The following RAB3GAP1 variants were observed in gnomAD, a reference collection of about 807,000 sequenced individuals.
RAB3GAP1 encodes rab3 GTPase-activating protein catalytic subunit.
A neutral mutation model predicts 130.7 loss-of-function variants in RAB3GAP1; 86 were observed. That is an observed-to-expected ratio of 0.66 (90% CI 0.55 to 0.79). RAB3GAP1 has a LOEUF of 0.79. RAB3GAP1 is among the 30% of genes least tolerant of loss of function. The probability of loss-of-function intolerance (pLI) is 0.00; values close to 1 mark genes in which losing one functional copy is unlikely to be tolerated. For synonymous variants in RAB3GAP1, 367 were observed against 401.7 expected, an observed-to-expected ratio of 0.91 and a Z score of 1.03; for missense variants, 1,029 against 1,169.4, an observed-to-expected ratio of 0.88 and a Z score of 1.75.
chr2:135,111,951 T>C (rs1196912984), intron 5 of RAB3GAP1, among the ~76,000 whole-genome samples: 2 of 152,210 alleles, frequency 1.3e-5, no homozygotes, highest in Non-Finnish European at 2.9e-5. Context: ...AACTATTATA[T>C]TCATTAGTCT....
intron 5 of RAB3GAP1, among the ~76,000 whole-genome samples, chr2:135,098,156 G>A (rs1004514550): frequency 2.0e-5 from 3 of 152,080 alleles, no homozygotes; most frequent in African/African-American, 7.2e-5. Flanking sequence ...TGTATTAACA[G>A]TGTCCAAGTC....
At chr2:135,109,423 T>C (rs886073432) in intron 5 of RAB3GAP1, among the ~76,000 whole-genome samples, 4 of 152,126 alleles carry the variant, frequency 2.6e-5, no homozygotes, top group African/African-American at 9.7e-5. Flanking sequence ...TACAATTAAA[T>C]TAAAATATTA....
chr2:135,117,642 T>TCTG (rs1558784578), intron 7 of RAB3GAP1, among the ~76,000 whole-genome samples: 6 of 145,472 alleles, frequency 4.1e-5, no homozygotes, highest in African/African-American at 1.3e-4. Flanking sequence ...TTCTGCTTCT[T>TCTG]CTTCTGCTTC....
At chr2:135,099,011 T>A (rs1297800155) in intron 5 of RAB3GAP1, among the ~76,000 whole-genome samples, 2 of 152,176 alleles carry the variant, frequency 1.3e-5, no homozygotes, top group African/African-American at 2.4e-5. Context: ...TGTGCTTTTT[T>A]AAAAATATGT....
At chr2:135,107,884 A>AG (rs1690675196) in intron 5 of RAB3GAP1, among the ~76,000 whole-genome samples, 1 of 148,790 alleles carries the variant, frequency 6.7e-6, no homozygotes, top group Non-Finnish European at 1.5e-5. Flanking sequence ...CTGAGACAGG[A>AG]GAATCACTTG....
intron 5 of RAB3GAP1, among the ~76,000 whole-genome samples, chr2:135,099,051 AT>A (rs971840392): frequency 1.3e-5 from 2 of 148,296 alleles, no homozygotes; most frequent in African/African-American, 2.5e-5. Flanking sequence ...CAGTCTGTTC[AT>A]TTTTTTTTTC....
intron 3 of RAB3GAP1, among the ~76,000 whole-genome samples, chr2:135,080,622 T>C (rs1689767258): frequency 6.6e-6 from 1 of 152,234 alleles, no homozygotes; most frequent in African/African-American, 2.4e-5. Flanking sequence ...GGCTAATTCT[T>C]TTCCCTGAGG....
chr2:135,169,082 A>ACGGT lies in RAB3GAP1; in HGVS notation c.*302_*305dup, dbSNP rs1488599857. 1 of 456,936 alleles carries ACGGT rather than the reference A, an allele frequency of 2.2e-6. No homozygotes were observed. Among genetic ancestry groups the ACGGT allele is most frequent in the Admixed American group, 3.4e-5 (1 of 29,436 alleles). 28.3% of individuals were successfully genotyped at this position (456,936 alleles called of 1,614,324 possible). On this transcript the variant is annotated 3_prime_UTR_variant, in exon 24 of 24. Transcript: ENST00000264158. ...GACACTCCGTCCTCACACTGGCAGG[A>ACGGT]CGGTGTTCATCGCATTCTCTTCTGT...
chr2:135,088,384 A>C (rs899612790), intron 3 of RAB3GAP1, among the ~76,000 whole-genome samples: 1 of 152,046 alleles, frequency 6.6e-6, no homozygotes, highest in Non-Finnish European at 1.5e-5. Context: ...AACCCACCCC[A>C]CACAAAAAAA....
Position 135,164,620 on chromosome 2 carries a change from C to T in RAB3GAP1, c.2633C>T (p.Pro878Leu). ...TTTGTGAGTTGCCTGCTGGAGCAGC[C>T]TGAAGTGTTAGTCACCGGTGCAGGA... ...ERFVSCLLEQPEVLVTGAGRG... is the reference protein window; with the variant it reads ...ERFVSCLLEQLEVLVTGAGRG... The change falls in exon 23 of 24, where the codon CCT becomes CTT. Residue 878 changes from proline (P) to leucine (L), a missense_variant. Coordinates refer to ENST00000264158, the MANE Select transcript of RAB3GAP1 (RefSeq NM_012233.3). 6.2e-7 allele frequency: 1 copy of T among 1,613,306 alleles called. No individual in the cohort carries two copies. The highest frequency in any genetic ancestry group is 2.2e-5 in the East Asian group (1 of 44,842).
chr2:135,108,788 T>A (rs1376540097), intron 5 of RAB3GAP1, among the ~76,000 whole-genome samples: 1 of 152,208 alleles, frequency 6.6e-6, no homozygotes, highest in Non-Finnish European at 1.5e-5. Context: ...CTAGATTTTA[T>A]TCTGTGTTCT....
At chr2:135,079,237 TG>T (rs1224985707) in intron 3 of RAB3GAP1, among the ~76,000 whole-genome samples, 2 of 152,142 alleles carry the variant, frequency 1.3e-5, no homozygotes, top group Non-Finnish European at 2.9e-5. Flanking sequence ...CCTCCCATCT[TG>T]GCCTCCCAAA....
chr2:135,115,091 T>G, intron 6 of RAB3GAP1, 125 bp from the exon 7 acceptor site: 1 of 856,772 alleles, frequency 1.2e-6, no homozygotes, highest in Non-Finnish European at 1.8e-6. Flanking sequence ...AAACCTGTGT[T>G]TTTGTTGTGT....
chr2:135,155,059 G>A (rs557252618), intron 19 of RAB3GAP1, among the ~76,000 whole-genome samples: 1 of 152,200 alleles, frequency 6.6e-6, no homozygotes, highest in Admixed American at 6.5e-5. Flanking sequence ...TCACAAAGCA[G>A]AAGAAAATTG....
chr2:135,133,977 G>T lies in RAB3GAP1; in HGVS notation c.1443G>T (p.Trp481Cys). 1.9e-6 allele frequency: 3 copies of T among 1,613,896 alleles called. No individual in the cohort carries two copies. Among genetic ancestry groups the T allele is most frequent in the African/African-American group, 1.3e-5 (1 of 75,020 alleles). ...HGGLKGVAHL[W>C]QEFVLEMRFR... ...GGTTGAAAGGAGTGGCACACCTCTGGCAGGAATTTGTTCTTGAAATGCGTT... is the reference window on the plus strand; with the variant it reads ...GGTTGAAAGGAGTGGCACACCTCTGTCAGGAATTTGTTCTTGAAATGCGTT... Residue 481 changes from tryptophan (W) to cysteine (C), a missense_variant, in exon 15 of 24, where the codon TGG becomes TGT. This residue lies in a region of RAB3GAP1 where 373 missense variants were observed against 493.6 expected (regional missense o/e 0.76). Transcript: ENST00000264158.
In RAB3GAP1 at chr2:135,131,590, A is replaced by G. The variant is rs1328743802; in HGVS notation, c.1236+869A>G. On this transcript the variant is annotated intron_variant, in intron 13 of 23. Transcript: ENST00000264158. ...AGTTGAGAGAAAGCTTTTAGTGAGAATGAGAGGGAGATGAATAGAGAGCTA... is the reference window on the plus strand; with the variant it reads ...AGTTGAGAGAAAGCTTTTAGTGAGAGTGAGAGGGAGATGAATAGAGAGCTA... 3.3e-5 allele frequency among the ~76,000 whole-genome samples: 5 copies of G among 152,156 alleles called. No homozygotes were observed. In the South Asian group the frequency reaches 1.0e-3, roughly 32 times the overall value.
intron 3 of RAB3GAP1, among the ~76,000 whole-genome samples, chr2:135,070,952 G>A (rs371127911): frequency 1.3e-5 from 2 of 152,084 alleles, no homozygotes; most frequent in Middle Eastern, 3.2e-3. Context: ...AAAAGCTAAC[G>A]TTTAAAAATA....
chr2:135,167,711 G>C (rs1023235120), intron 23 of RAB3GAP1: 1 of 1,490,770 alleles, frequency 6.7e-7, no homozygotes. Flanking sequence ...ATCTTCTGAT[G>C]AGGTAACAAA....
chr2:135,084,895 CTGTT>C (rs902905929), intron 3 of RAB3GAP1, among the ~76,000 whole-genome samples: 1 of 152,090 alleles, frequency 6.6e-6, no homozygotes, highest in African/African-American at 2.4e-5. Context: ...TAATCACTAA[CTGTT>C]TGAAAATAAT....
Sources: allele counts gnomAD v4.1 joint callset (sites outside exome capture counted in the v4.1 genomes callset), GRCh38; gene constraint gnomAD v4.1.1; regional missense constraint gnomAD v4.1.1; transcripts MANE v1.5; gene names NCBI Gene and HGNC (gene_info 2026-07-23, HGNC 2026-07-21).